Variants in PSMD2 observed in about 807,000 individuals in gnomAD.
PSMD2 encodes the protein 26S proteasome non-ATPase regulatory subunit 2.
PSMD2 carries 8 observed loss-of-function variants against 101.5 expected under a neutral mutation model. The ratio of observed to expected loss-of-function variants is 0.08; its 90% CI spans 0.05 to 0.14. The LOEUF (loss-of-function observed/expected upper bound fraction) is 0.14. Among genes scored for constraint, PSMD2 ranks in the 10% least tolerant of loss-of-function variants. The probability of loss-of-function intolerance (pLI) is 1.00; values close to 1 mark genes in which losing one functional copy is unlikely to be tolerated. For missense variants in PSMD2, 784 were observed against 1,147.4 expected (o/e 0.68, Z 4.58); for synonymous variants, 418 against 433.8 (o/e 0.96, Z 0.45).
chr3:184,308,153 C>G lies in PSMD2; in HGVS notation c.2425+137C>G. On this transcript the variant is annotated intron_variant, in intron 19 of 20. Transcript: ENST00000310118. This position sits in a 1 kb window ranked among gnomAD's most constrained non-coding sequence, Gnocchi z 6.0. The stretch of plus-strand genomic sequence containing the variant: ...CTAGGTTTCTGAGACAGGCTTTGGG[C>G]CTGTGACATGAGACTTTCATCACCC... 4 of 1,192,028 alleles carry G rather than the reference C, an allele frequency of 3.4e-6. No individual in the cohort carries two copies. In the South Asian group the frequency reaches 6.1e-5, roughly 18 times the overall value. 73.8% of individuals were successfully genotyped at this position (1,192,028 alleles called of 1,614,324 possible).
In PSMD2 at chr3:184,304,605, GC is replaced by G. The variant is rs1170891513; in HGVS notation, c.1539+216del. Among the ~76,000 whole-genome samples the G allele has an allele frequency of 6.6e-6, 1 of 152,156 alleles. No homozygotes were observed. Among genetic ancestry groups the G allele is most frequent in the Non-Finnish European group, 1.5e-5 (1 of 68,022 alleles). On this transcript the variant is annotated intron_variant, in intron 12 of 20. Coordinates refer to ENST00000310118, the MANE Select transcript of PSMD2 (RefSeq NM_002808.5). This position sits in a 1 kb window ranked among gnomAD's most constrained non-coding sequence, Gnocchi z 4.1. ...TAAGGCTAAAGAGTTAACATTTTAG[GC>G]CTGGCACGGTGGCTCGTGCCTATAA...
chr3:184,304,177 C>G lies in PSMD2; in HGVS notation c.1451+103C>G. 6.4e-7 allele frequency: 1 copy of G among 1,555,314 alleles called. No homozygotes were observed. Among genetic ancestry groups the G allele is most frequent in the African/African-American group, 1.4e-5 (1 of 73,644 alleles). On this transcript the variant is annotated intron_variant, in intron 11 of 20. Coordinates refer to ENST00000310118, the MANE Select transcript of PSMD2 (RefSeq NM_002808.5). This position sits in a 1 kb window ranked among gnomAD's most constrained non-coding sequence, Gnocchi z 4.1. ...ATATTGCCAAGGGCTACCACTGTGC[C>G]TATTGGGTATCTGGCTCTTGGTGAA...
At chr3:184,303,909 A>T in intron 10 of PSMD2, 38 bp from the exon 11 acceptor site, 1 of 1,613,940 alleles carries the variant, frequency 6.2e-7, no homozygotes, top group Non-Finnish European at 8.5e-7. Flanking sequence ...TGAGGAAGAT[A>T]GAGTATCCTG....
At position 184,299,373 on chromosome 3, in the gene PSMD2, C is replaced by T; in HGVS notation, c.107C>T (p.Ala36Val). Residue 36 changes from alanine to valine, a missense_variant, in exon 1 of 21, where the codon GCC (alanine) becomes GTC (valine). Coordinates refer to ENST00000310118, the MANE Select transcript of PSMD2 (RefSeq NM_002808.5). ...CCGAGCGGCAAGGAGCGGCGGGATGCCGGGGACAAGGACAAAGAACAGGAG... is the reference window on the plus strand; with the variant it reads ...CCGAGCGGCAAGGAGCGGCGGGATGTCGGGGACAAGGACAAAGAACAGGAG... ...EKPSGKERRDAGDKDKEQELS... is the reference protein window; with the variant it reads ...EKPSGKERRDVGDKDKEQELS... The T allele has an allele frequency of 1.4e-6, 2 of 1,401,216 alleles. No homozygotes were observed. The highest frequency in any genetic ancestry group is 9.3e-7 in the Non-Finnish European group (1 of 1,080,708). The allele number at this position is 1,401,216 out of a possible 1,614,324, so 86.8% of individuals were successfully genotyped here.
chr3:184,299,348 C>A lies in PSMD2; in HGVS notation c.82C>A (p.Pro28Thr). 7.1e-7 allele frequency: 1 copy of A among 1,415,340 alleles called. No homozygotes were observed. Among genetic ancestry groups the A allele is most frequent in the Non-Finnish European group, 9.2e-7 (1 of 1,088,310 alleles). 87.7% of individuals were successfully genotyped at this position (1,415,340 alleles called of 1,614,324 possible). ...AAAPGGTDEK[P>T]SGKERRDAGD... ...GGCCCCCGGCGGCACGGACGAGAAGCCGAGCGGCAAGGAGCGGCGGGATGC... is the reference window on the plus strand; with the variant it reads ...GGCCCCCGGCGGCACGGACGAGAAGACGAGCGGCAAGGAGCGGCGGGATGC... The change falls in exon 1 of 21, where the codon CCG becomes ACG. Residue 28 changes from proline (P) to threonine (T), a missense_variant. Physicochemically the swap from Pro to Thr is conservative, Grantham distance 38. Transcript: ENST00000310118.
chr3:184,307,305 A>G, intron 16 of PSMD2, 52 bp from the exon 17 acceptor site: 1 of 1,587,770 alleles, frequency 6.3e-7, no homozygotes. Context: ...CCTGTAATGG[A>G]ATTTGTTTTT....
Position 184,303,059 on chromosome 3 carries a change from A to G in PSMD2, c.1066A>G (p.Asn356Asp). 6.2e-7 allele frequency: 1 copy of G among 1,613,522 alleles called. No individual in the cohort carries two copies. The change falls in exon 8 of 21, where the codon AAC becomes GAC. Residue 356 changes from asparagine (N) to aspartate (D), a missense_variant. Asn to Asp is a conservative substitution (Grantham distance 23). This residue lies in a region of PSMD2 where 208 missense variants were observed against 301.6 expected (regional missense o/e 0.69). Coordinates refer to ENST00000310118, the MANE Select transcript of PSMD2 (RefSeq NM_002808.5). ...CATCTACAAAACCCACCTAGAGAAC[A>G]ACAGTGAGTAGCCCTCTCTGTGTAT... The part of the protein sequence containing the change: ...DDIYKTHLEN[N>D]RFGGSGSQVD...
At chr3:184,302,586 G>A in intron 6 of PSMD2, 58 bp downstream of exon 6, 6 of 1,611,370 alleles carry the variant, frequency 3.7e-6, no homozygotes, top group Middle Eastern at 1.7e-4. Flanking sequence ...CTTGCATAAA[G>A]AGCTGGGACT....
rs1273682599 is a variant in PSMD2, at chr3:184,304,227, G to A, written c.1452-77G>A. ...ATGTTTGTTGAAATGGTGAATGAAT[G>A]ACCGATTCTCCTTTTGTTCTTTTCT... is the stretch of plus-strand genomic sequence containing the variant. On this transcript the variant is annotated intron_variant, in intron 11 of 20. Transcript: ENST00000310118. This position sits in a 1 kb window ranked among gnomAD's most constrained non-coding sequence, Gnocchi z 4.1. 6.4e-7 allele frequency: 1 copy of A among 1,556,914 alleles called. No homozygotes were observed. Among genetic ancestry groups the A allele is most frequent in the Non-Finnish European group, 8.9e-7 (1 of 1,128,552 alleles).
At chr3:184,301,820 C>T (rs1721652594) in intron 4 of PSMD2, 27 bp from the exon 5 acceptor site, 2 of 1,613,870 alleles carry the variant, frequency 1.2e-6, no homozygotes, top group African/African-American at 1.3e-5. Flanking sequence ...AAGCTGTGCT[C>T]TCTTAATCGT....
rs757408797 is a variant in PSMD2, at chr3:184,304,318, A to T, written c.1466A>T (p.Tyr489Phe). The T allele has an allele frequency of 6.2e-7, 1 of 1,614,142 alleles. No individual in the cohort carries two copies. Among genetic ancestry groups the T allele is most frequent in the Non-Finnish European group, 8.5e-7 (1 of 1,180,034 alleles). ...GGCTTTTGCAGGCTAGGCTTGGCTT[A>T]TGCTGGCTCAAATCGTGAAGATGTC... ...LGSIFGLGLAYAGSNREDVLT... is the reference protein window; with the variant it reads ...LGSIFGLGLAFAGSNREDVLT... The change falls in exon 12 of 21, where the codon TAT (tyrosine) becomes TTT (phenylalanine). Residue 489 changes from tyrosine to phenylalanine, a missense_variant. Physicochemically the swap from Tyr to Phe is conservative, Grantham distance 22. Transcript: ENST00000310118. The surrounding 1 kb of genome is among the most constrained non-coding windows in gnomAD (Gnocchi z 4.1).
Position 184,307,879 on chromosome 3 carries a change from G to GT in PSMD2, c.2299-4dup, listed in dbSNP as rs767930474. Reference sequence around the variant, plus strand: ...TAACTCCTCACCTCTACTTCCCTCTGTTTTTTTCAGGGCCTGACACATTTA... The same window carrying GT: ...TAACTCCTCACCTCTACTTCCCTCTGTTTTTTTTCAGGGCCTGACACATTTA... On this transcript the variant is annotated splice_polypyrimidine_tract_variant and intron_variant, in intron 18 of 20. Coordinates refer to ENST00000310118, the MANE Select transcript of PSMD2 (RefSeq NM_002808.5). 8 of 1,613,526 alleles carry GT rather than the reference G, an allele frequency of 5.0e-6. No individual in the cohort carries two copies. The South Asian group carries it at 5.5e-5, about 11-fold the overall frequency.
At chr3:184,306,877 G>A (rs903123912) in intron 16 of PSMD2, 43 bp downstream of exon 16, 2 of 1,517,316 alleles carry the variant, frequency 1.3e-6, no homozygotes, top group Admixed American at 1.9e-5. Flanking sequence ...TGGTTTTGAT[G>A]GCCTGGGGTT....
chr3:184,299,322 C>A lies in PSMD2; in HGVS notation c.56C>A (p.Ala19Glu). ...APVQPQQSPA[A>E]APGGTDEKPS... ...GTGCAGCCCCAGCAGTCTCCAGCGGCGGCCCCCGGCGGCACGGACGAGAAG... is the reference window on the plus strand; with the variant it reads ...GTGCAGCCCCAGCAGTCTCCAGCGGAGGCCCCCGGCGGCACGGACGAGAAG... The change falls in exon 1 of 21, where the codon GCG becomes GAG. Residue 19 changes from alanine (A) to glutamate (E), a missense_variant. Physicochemically the swap from Ala to Glu is moderately radical, Grantham distance 107. Around this residue, in one of 6 missense-constraint regions of PSMD2, gnomAD observed 196 missense variants for 182.4 expected, o/e 1.07. Coordinates refer to ENST00000310118, the MANE Select transcript of PSMD2 (RefSeq NM_002808.5). 7.1e-7 allele frequency: 1 copy of A among 1,402,040 alleles called. No individual in the cohort carries two copies. Among genetic ancestry groups the A allele is most frequent in the Non-Finnish European group, 9.2e-7 (1 of 1,081,572 alleles). The allele number at this position is 1,402,040 out of a possible 1,614,324, so 86.8% of individuals were successfully genotyped here. A position where few individuals can be genotyped will look rare whatever the true frequency, so the allele number is the denominator to read the frequency against.
chr3:184,308,958 G>C lies in PSMD2; in HGVS notation c.*68G>C. 6.7e-7 allele frequency: 1 copy of C among 1,483,488 alleles called. No individual in the cohort carries two copies. Among genetic ancestry groups the C allele is most frequent in the Non-Finnish European group, 9.2e-7 (1 of 1,086,130 alleles). The allele number at this position is 1,483,488 out of a possible 1,614,324, so 91.9% of individuals were successfully genotyped here. A position where few individuals can be genotyped will look rare whatever the true frequency, so the allele number is the denominator to read the frequency against. ...GGCCATGCATCCTGCTGCCAAGGGTGGACACGGCTGCAGACTTCTGGGGGA... is the reference window on the plus strand; with the variant it reads ...GGCCATGCATCCTGCTGCCAAGGGTCGACACGGCTGCAGACTTCTGGGGGA... On this transcript the variant is annotated 3_prime_UTR_variant, in exon 21 of 21. Transcript: ENST00000310118. The surrounding 1 kb of genome is among the most constrained non-coding windows in gnomAD (Gnocchi z 6.0).
Position 184,301,676 on chromosome 3 carries a change from G to T in PSMD2, c.479+18G>T. On this transcript the variant is annotated intron_variant, in intron 4 of 20. Transcript: ENST00000310118. ...TATGTCAGGTAAGATCTTTCTTCTT[G>T]GGAATCCGAAGGGGGCTCTGAGGCT... 6.2e-7 allele frequency: 1 copy of T among 1,613,818 alleles called. No homozygotes were observed. The highest frequency in any genetic ancestry group is 8.5e-7 in the Non-Finnish European group (1 of 1,179,790).
chr3:184,307,860 C>T, intron 18 of PSMD2, 30 bp from the exon 19 acceptor site: 1 of 1,613,876 alleles, frequency 6.2e-7, no homozygotes, highest in East Asian at 2.2e-5. Flanking sequence ...GTGGTAACTC[C>T]TCACCTCTAC....
chr3:184,303,191 G>C (rs938970714), intron 8 of PSMD2, 129 bp downstream of exon 8: 2 of 1,496,292 alleles, frequency 1.3e-6, no homozygotes, highest in Non-Finnish European at 1.8e-6. Context: ...TCAGGTCACT[G>C]CTTGGGGGGG....
Position 184,302,486 on chromosome 3 carries a change from A to G in PSMD2, c.821A>G (p.Asp274Gly), listed in dbSNP as rs1334435278. 2 of 1,614,042 alleles carry G rather than the reference A, an allele frequency of 1.2e-6. No homozygotes were observed. Among genetic ancestry groups the G allele is most frequent in the Non-Finnish European group, 1.7e-6 (2 of 1,180,028 alleles). ...EALRLALMLN[D>G]MELVEDIFTS... The stretch of plus-strand genomic sequence containing the variant: ...CTGAGATTGGCATTGATGCTCAATG[A>G]CATGGAGTTGGTAGAAGACATCTTC... The change falls in exon 6 of 21, where the codon GAC (aspartate) becomes GGC (glycine). Residue 274 changes from aspartate (D) to glycine (G), a missense_variant. By Grantham distance (94) the Asp-to-Gly change is moderately conservative. Coordinates refer to ENST00000310118, the MANE Select transcript of PSMD2 (RefSeq NM_002808.5).
Sources: allele counts gnomAD v4.1 joint callset (sites outside exome capture counted in the v4.1 genomes callset), GRCh38; gene constraint gnomAD v4.1.1; regional missense constraint gnomAD v4.1.1; non-coding constraint Gnocchi (gnomAD v3.1); transcripts MANE v1.5; gene names NCBI Gene and HGNC (gene_info 2026-07-23, HGNC 2026-07-21).